Variants in PER2 observed in about 807,000 individuals in gnomAD.
PER2 encodes period circadian protein homolog 2.
A neutral mutation model predicts 121.0 loss-of-function variants in PER2; 66 were observed. The ratio of observed to expected loss-of-function variants is 0.55; its 90% CI spans 0.45 to 0.67. The LOEUF (loss-of-function observed/expected upper bound fraction) is 0.67, where lower values mean the gene tolerates loss of function less well. PER2 is among the 30% of genes least tolerant of loss of function. The pLI is 0.00. For synonymous variants in PER2, 684 were observed against 659.9 expected (o/e 1.04, Z -0.56); for missense variants, 1,521 against 1,635.0 (o/e 0.93, Z 1.20).
At chr2:238,285,671 A>G (rs972425715) in intron 1 of PER2, among the ~76,000 whole-genome samples, 4 of 135,668 alleles carry the variant, frequency 2.9e-5, no homozygotes, top group Non-Finnish European at 6.8e-5. Context: ...GCCATGTCAC[A>G]TGTCACCAGA....
Position 238,252,560 on chromosome 2 carries a change from T to C in PER2, c.3111+352A>G, listed in dbSNP as rs1695635804. On this transcript the variant is annotated intron_variant, in intron 19 of 22. Coordinates refer to ENST00000254657, the MANE Select transcript of PER2 (RefSeq NM_022817.3). This position sits in a 1 kb window ranked among gnomAD's most constrained non-coding sequence, Gnocchi z 4.2. ...TGAGCCAGGCTCCGGCGCCACACCCTGAGGAGCCCTAGCTCTGGTATTTAA... is the reference window on the plus strand; with the variant it reads ...TGAGCCAGGCTCCGGCGCCACACCCCGAGGAGCCCTAGCTCTGGTATTTAA... 6.6e-6 allele frequency among the ~76,000 whole-genome samples: 1 copy of C among 152,154 alleles called. No homozygotes were observed. The highest frequency in any genetic ancestry group is 2.4e-5 in the African/African-American group (1 of 41,428).
In PER2 at chr2:238,246,335, G is replaced by A; in HGVS notation, c.*40C>T. 1 of 1,517,388 alleles carries A rather than the reference G, an allele frequency of 6.6e-7. No homozygotes were observed. Among genetic ancestry groups the A allele is most frequent in the South Asian group, 1.2e-5 (1 of 82,158 alleles). The allele number at this position is 1,517,388 out of a possible 1,614,324, so 94.0% of individuals were successfully genotyped here. A position where few individuals can be genotyped will look rare whatever the true frequency, so the allele number is the denominator to read the frequency against. Reference sequence around the variant, plus strand: ...CTTTCATCTCTTCCAAGCACCACCTGGTGTACCTCGCTGGCTGCCGGGCTG... The same window carrying A: ...CTTTCATCTCTTCCAAGCACCACCTAGTGTACCTCGCTGGCTGCCGGGCTG... On this transcript the variant is annotated 3_prime_UTR_variant, in exon 23 of 23. Coordinates refer to ENST00000254657, the MANE Select transcript of PER2 (RefSeq NM_022817.3).
At chr2:238,250,504 T>G (rs536230436) in intron 21 of PER2, 47 bp downstream of exon 21, 2 of 1,404,572 alleles carry the variant, frequency 1.4e-6, no homozygotes, top group South Asian at 1.2e-5. Context: ...TGGGAGCTCC[T>G]GAACCCCATC....
chr2:238,281,985 A>T (rs902281843), intron 1 of PER2, among the ~76,000 whole-genome samples: 1 of 152,210 alleles, frequency 6.6e-6, no homozygotes, highest in African/African-American at 2.4e-5. Flanking sequence ...CCAGCCTCCA[A>T]TTCCAGACTG....
At chr2:238,262,459 T>C in intron 10 of PER2, 115 bp from the exon 11 acceptor site, 1 of 960,462 alleles carries the variant, frequency 1.0e-6, no homozygotes, top group Non-Finnish European at 1.6e-6. Flanking sequence ...TGTAGGGGTA[T>C]GAACACTTCT....
chr2:238,284,489 G>C (rs1302770541), intron 1 of PER2, among the ~76,000 whole-genome samples: 3 of 151,998 alleles, frequency 2.0e-5, no homozygotes, highest in Non-Finnish European at 4.4e-5. Flanking sequence ...AAACAGATGG[G>C]CAACAAACGT....
chr2:238,251,454 G>C, intron 20 of PER2, 145 bp downstream of exon 20: 1 of 740,652 alleles, frequency 1.4e-6, no homozygotes. Context: ...GAGTGTGTCT[G>C]TGTGGGTGTC....
rs78768623 is a variant in PER2, at chr2:238,251,764, T to G, written c.3112-3A>C. The G allele has an allele frequency of 5.3e-4, 857 of 1,607,778 alleles. 1 individual carries two copies. Among genetic ancestry groups the G allele is most frequent in the Non-Finnish European group, 6.6e-4 (783 of 1,178,398 alleles). On this transcript the variant is annotated splice_region_variant and splice_polypyrimidine_tract_variant and intron_variant, in intron 19 of 22. Coordinates refer to ENST00000254657, the MANE Select transcript of PER2 (RefSeq NM_022817.3). ...TGTGTGTCTGAGGGTTCATCACGCT[T>G]TAGGGACAGGAAGCAGATACTGCTG...
rs563869709 is a variant in PER2 at position 238,255,480 on chromosome 2, C to T, written c.2320+177G>A. Reference sequence around the variant, plus strand: ...ATGCAAGCTGACATCCCGAGAGCACCCCCCCGGTGGGAAGTTCTACAGAAA... The same window carrying T: ...ATGCAAGCTGACATCCCGAGAGCACTCCCCCGGTGGGAAGTTCTACAGAAA... On this transcript the variant is annotated intron_variant, in intron 18 of 22. Transcript: ENST00000254657. 279 of 704,338 alleles carry T rather than the reference C, an allele frequency of 4.0e-4. No homozygotes were observed. In the African/African-American group the frequency reaches 4.3e-3, roughly 11 times the overall value. The allele number at this position is 704,338 out of a possible 1,614,324, so 43.6% of individuals were successfully genotyped here.
At chr2:238,271,272 C>T (rs370554305) in intron 6 of PER2, 40 bp downstream of exon 6, 16 of 1,576,982 alleles carry the variant, frequency 1.0e-5, no homozygotes, top group South Asian at 2.2e-5. Context: ...GCCCCTTTCC[C>T]GACCCCAGAG....
Position 238,256,948 on chromosome 2 carries a change from C to T in PER2, c.2039G>A (p.Gly680Glu). 1 of 1,614,140 alleles carries T rather than the reference C, an allele frequency of 6.2e-7. No homozygotes were observed. The highest frequency in any genetic ancestry group is 8.5e-7 in the Non-Finnish European group (1 of 1,180,026). The change falls in exon 17 of 23, where the codon GGA (glycine) becomes GAA (glutamate). Residue 680 changes from glycine (G) to glutamate (E), a missense_variant. Transcript: ENST00000254657. ...TAACTCCGGCTGCGGCTTCTTGTCTCCCACATGGACGATGGTGCTGCTGTA... is the reference window on the plus strand; with the variant it reads ...TAACTCCGGCTGCGGCTTCTTGTCTTCCACATGGACGATGGTGCTGCTGTA... ...CSYSSTIVHV[G>E]DKKPQPELEM... is the part of the protein sequence containing the mutation.
intron 9 of PER2, 102 bp downstream of exon 9, chr2:238,265,410 G>C: frequency 1.3e-6 from 1 of 752,466 alleles, no homozygotes; most frequent in South Asian, 1.5e-5. Flanking sequence ...ACATGTTTTT[G>C]TCCATTATCA....
intron 22 of PER2, among the ~76,000 whole-genome samples, chr2:238,248,641 C>A (rs953900965): frequency 4.7e-5 from 7 of 149,924 alleles, no homozygotes; most frequent in African/African-American, 1.5e-4. Context: ...AAAACATAAA[C>A]CTTTAATTTT....
intron 9 of PER2, among the ~76,000 whole-genome samples, chr2:238,263,919 T>G (rs1303369198): frequency 6.6e-6 from 1 of 151,310 alleles, no homozygotes; most frequent in Non-Finnish European, 1.5e-5. Context: ...CATCAAGGCC[T>G]TGCTGAAGGA....
chr2:238,254,809 G>A (rs1695713302), intron 18 of PER2: 1 of 152,246 alleles, frequency 6.6e-6, no homozygotes, highest in Non-Finnish European at 1.5e-5. Context: ...TCTTGAATCT[G>A]GGGAAGAAGG....
At chr2:238,271,026 CT>C (rs1447894639) in intron 6 of PER2, among the ~76,000 whole-genome samples, 3 of 152,276 alleles carry the variant, frequency 2.0e-5, no homozygotes, top group Admixed American at 1.3e-4. Context: ...CCTCCCACGA[CT>C]GCAATCACAG....
chr2:238,251,602 C>T lies in PER2; in HGVS notation c.3271G>A (p.Ala1091Thr), dbSNP rs2106365701. The change falls in exon 20 of 23, where the codon GCA becomes ACA. Residue 1091 changes from alanine (A) to threonine (T), a missense_variant. Transcript: ENST00000254657. ...SLGCDASPSG[A>T]GSSDTSHTSK... ...CACCCCGCCAGGGCCAACATACCTG[C>T]CCCACTCGGGGAGGCGTCGCAGCCC... 6.2e-7 allele frequency: 1 copy of T among 1,613,966 alleles called. No homozygotes were observed. Among genetic ancestry groups the T allele is most frequent in the South Asian group, 1.1e-5 (1 of 91,080 alleles).
upstream of PER2, among the ~76,000 whole-genome samples, chr2:238,292,273 CAT>C (rs1394566845): frequency 2.0e-5 from 3 of 152,242 alleles, no homozygotes; most frequent in South Asian, 2.1e-4. Context: ...TTAGGGGAGA[CAT>C]GTGGGTGTGA....
Position 238,268,461 on chromosome 2 carries a change from G to A in PER2, c.825-263C>T, listed in dbSNP as rs1319208308. 6.6e-6 allele frequency among the ~76,000 whole-genome samples: 1 copy of A among 152,186 alleles called. No homozygotes were observed. The highest frequency in any genetic ancestry group is 1.5e-5 in the Non-Finnish European group (1 of 68,032). On this transcript the variant is annotated intron_variant, in intron 7 of 22. Coordinates refer to ENST00000254657, the MANE Select transcript of PER2 (RefSeq NM_022817.3). The surrounding 1 kb of genome is among the most constrained non-coding windows in gnomAD (Gnocchi z 4.0). ...GGTTGGTAAAGCAGACAGAAAAGGG[G>A]TGCTGCTCCCGCCAGGGGTCCTCGG...
Sources: allele counts gnomAD v4.1 joint callset (sites outside exome capture counted in the v4.1 genomes callset), GRCh38; gene constraint gnomAD v4.1.1; non-coding constraint Gnocchi (gnomAD v3.1); transcripts MANE v1.5; gene names NCBI Gene and HGNC (gene_info 2026-07-23, HGNC 2026-07-21).